Variants in GLIPR2 observed in about 807,000 individuals in gnomAD.
GLIPR2 encodes Golgi-associated plant pathogenesis-related protein 1.
Under a neutral mutation model 20.4 loss-of-function variants are expected in GLIPR2, and 21 were observed. The observed-to-expected ratio is 1.03, with a 90% confidence interval of 0.73 to 1.48. GLIPR2 has a LOEUF of 1.48. Among genes scored for constraint, GLIPR2 ranks in the 40% most tolerant of loss-of-function variants. The pLI, the probability that GLIPR2 is intolerant of heterozygous loss-of-function variation, is 0.00. For missense variants in GLIPR2, 205 were observed against 200.1 expected, an observed-to-expected ratio of 1.02 and a Z score of -0.15; for synonymous variants, 91 against 80.5, an observed-to-expected ratio of 1.13 and a Z score of -0.70.
At chr9:36,144,421 A>G (rs769566861) in intron 1 of GLIPR2, 2 of 152,230 alleles carry the variant, frequency 1.3e-5, no homozygotes, top group Admixed American at 6.5e-5. Flanking sequence ...CTGAAACTCT[A>G]TACATGTTAA....
rs193069436 is a variant in GLIPR2, at chr9:36,138,425, G to A, written c.13+1634G>A. Among the ~76,000 whole-genome samples the A allele has an allele frequency of 2.5e-3, 374 of 152,086 alleles. 1 individual carries two copies. Among genetic ancestry groups the A allele is most frequent in the African/African-American group, 8.3e-3 (344 of 41,488 alleles). ...TTTTTAGTAGAGACAGGGTTTCACC[G>A]TGTTGGTCAGGCTGGTCTTGAACTC... On this transcript the variant is annotated intron_variant, in intron 1 of 4. Coordinates refer to ENST00000377960, the MANE Select transcript of GLIPR2 (RefSeq NM_022343.4).
intron 1 of GLIPR2, among the ~76,000 whole-genome samples, chr9:36,146,840 G>C (rs1023710060): frequency 3.3e-5 from 5 of 152,102 alleles, no homozygotes; most frequent in Non-Finnish European, 5.9e-5. Flanking sequence ...TTCAGCTCTC[G>C]GGTGGAAGCC....
At chr9:36,145,284 TC>T (rs1241813590) in intron 1 of GLIPR2, among the ~76,000 whole-genome samples, 1 of 152,260 alleles carries the variant, frequency 6.6e-6, no homozygotes, top group East Asian at 1.9e-4. Context: ...TAGCCCCTGT[TC>T]AGATATTTCT....
At chr9:36,142,993 G>C (rs1426982599) in intron 1 of GLIPR2, among the ~76,000 whole-genome samples, 1 of 152,162 alleles carries the variant, frequency 6.6e-6, no homozygotes, top group African/African-American at 2.4e-5. Flanking sequence ...CCTGGCTCAG[G>C]AGCCTGGCGT....
chr9:36,136,658 G>GCGGGGCGGCGC (rs1438121582), upstream of GLIPR2: 1 of 709,050 alleles, frequency 1.4e-6, no homozygotes, highest in African/African-American at 1.9e-5. This position sits in a 1 kb window ranked among gnomAD's most constrained non-coding sequence, Gnocchi z 4.3. Context: ...TAAGGCGGGG[G>GCGGGGCGGCGC]CCGGGCGGCG....
chr9:36,148,955 T>C (rs1394549201), intron 3 of GLIPR2, among the ~76,000 whole-genome samples: 1 of 152,148 alleles, frequency 6.6e-6, no homozygotes, highest in Non-Finnish European at 1.5e-5. Context: ...CAGACCGCTT[T>C]TGTACAGAAT....
chr9:36,155,683 A>T (rs1326032644), intron 4 of GLIPR2, among the ~76,000 whole-genome samples: 1 of 152,192 alleles, frequency 6.6e-6, no homozygotes, highest in Non-Finnish European at 1.5e-5. Context: ...CATACACAGG[A>T]TGCAATGGGA....
chr9:36,162,312 G>T lies in GLIPR2; in HGVS notation c.305-50G>T, dbSNP rs1352958088. 16 of 1,600,224 alleles carry T rather than the reference G, an allele frequency of 1.0e-5. No homozygotes were observed. The African/African-American group carries it at 1.7e-4, about 17-fold the overall frequency. ...CAATCCCCTGCCACATCCTTCTTCA[G>T]GCTCTGCTAATTCAGCCGTGTCCCT... On this transcript the variant is annotated intron_variant, in intron 4 of 4. Coordinates refer to ENST00000377960, the MANE Select transcript of GLIPR2 (RefSeq NM_022343.4).
At chr9:36,160,076 C>T (rs1246098413) in intron 4 of GLIPR2, among the ~76,000 whole-genome samples, 1 of 152,194 alleles carries the variant, frequency 6.6e-6, no homozygotes, top group East Asian at 1.9e-4. Context: ...GTGTCTTGGC[C>T]AGGCATGGTG....
intron 4 of GLIPR2, among the ~76,000 whole-genome samples, chr9:36,158,807 G>A (rs1451275831): frequency 6.6e-5 from 10 of 152,222 alleles, no homozygotes; most frequent in African/African-American, 9.6e-5. Flanking sequence ...GCTCACGCCC[G>A]TAATCCCAAC....
At chr9:36,141,811 G>T (rs774179757) in intron 1 of GLIPR2, 4 of 452,990 alleles carry the variant, frequency 8.8e-6, no homozygotes, top group Non-Finnish European at 4.4e-6. Flanking sequence ...GGGTCACCAC[G>T]CATGGCTAAT....
At chr9:36,140,108 C>CT (rs1825007771) in intron 1 of GLIPR2, among the ~76,000 whole-genome samples, 2 of 152,310 alleles carry the variant, frequency 1.3e-5, no homozygotes, top group African/African-American at 2.4e-5. Flanking sequence ...ACTCAGCTCT[C>CT]TGACTCCCCT....
chr9:36,144,956 T>C (rs1406974492), intron 1 of GLIPR2: 2 of 152,136 alleles, frequency 1.3e-5, no homozygotes, highest in Non-Finnish European at 2.9e-5. Flanking sequence ...GATCTGGCTA[T>C]GAGAAAAGGG....
chr9:36,153,622 C>G (rs148446211), intron 4 of GLIPR2, among the ~76,000 whole-genome samples: 1 of 152,216 alleles, frequency 6.6e-6, no homozygotes, highest in Admixed American at 6.5e-5. Flanking sequence ...ACCCTTTGGC[C>G]AGGTGCGGTG....
intron 4 of GLIPR2, 181 bp downstream of exon 4, chr9:36,151,130 C>T: frequency 1.7e-6 from 1 of 601,968 alleles, no homozygotes; most frequent in Non-Finnish European, 3.0e-6. Context: ...CATTACATCC[C>T]CAGCTTCCCC....
intron 4 of GLIPR2, 90 bp downstream of exon 4, chr9:36,151,039 A>T (rs773699714): frequency 2.4e-6 from 2 of 845,942 alleles, no homozygotes; most frequent in South Asian, 1.4e-5. Context: ...CCTCTAAAAA[A>T]ATCAATCCTT....
chr9:36,137,109 C>T (rs1164537267), intron 1 of GLIPR2, among the ~76,000 whole-genome samples: 2 of 152,212 alleles, frequency 1.3e-5, no homozygotes, highest in African/African-American at 4.8e-5. Context: ...GGAAAAGTCA[C>T]CAAAGTGTGA....
At chr9:36,136,669 C>A (rs990325132), upstream of GLIPR2, 36 of 824,048 alleles carry the variant, frequency 4.4e-5, no homozygotes, top group Middle Eastern at 1.3e-3. The surrounding 1 kb of genome is among the most constrained non-coding windows in gnomAD (Gnocchi z 4.3). Flanking sequence ...CCGGGCGGCG[C>A]CGGAGGAGGG....
At chr9:36,162,182 A>G in intron 4 of GLIPR2, 180 bp from the exon 5 acceptor site, 2 of 1,479,240 alleles carry the variant, frequency 1.4e-6, no homozygotes, top group East Asian at 2.5e-5. Context: ...CTTGGGGGAA[A>G]AAAAAAGAAG....
Sources: gnomAD v4.1 joint callset for allele counts (sites outside exome capture counted in the v4.1 genomes callset) on GRCh38, gnomAD v4.1.1 for gene constraint, Gnocchi (gnomAD v3.1) non-coding constraint, MANE v1.5 for transcripts, NCBI Gene and HGNC (gene_info 2026-07-23, HGNC 2026-07-21) for gene names.